Variants in UTP18 observed in about 807,000 individuals in gnomAD.
The protein encoded by UTP18 is UTP18 small subunit processome component.
A neutral mutation model predicts 61.1 loss-of-function variants in UTP18; 36 were observed. That is an observed-to-expected ratio of 0.59 (90% confidence interval 0.45 to 0.78). UTP18 has a LOEUF of 0.78. UTP18 is among the 30% of genes least tolerant of loss of function. UTP18 has a pLI of 0.00. For missense variants in UTP18, 753 were observed against 693.9 expected, an observed-to-expected ratio of 1.09 and a Z score of -0.96; for synonymous variants, 282 against 251.1, an observed-to-expected ratio of 1.12 and a Z score of -1.16.
chr17:51,277,210 T>G lies in UTP18; in HGVS notation c.918T>G (p.Asn306Lys), dbSNP rs1474939576. The change falls in exon 7 of 14, where the codon AAT (asparagine) becomes AAG (lysine). Residue 306 changes from asparagine to lysine, a missense_variant. Coordinates refer to ENST00000225298, the MANE Select transcript of UTP18 (RefSeq NM_016001.3). ...TCTTTAAGGCTTGTTTTAGTGCTAA[T>G]GGGGAAGAAGTTTTAGCCACGAGTA... ...FPIFKACFSA[N>K]GEEVLATSTH... The G allele has an allele frequency of 6.2e-7, 1 of 1,614,068 alleles. No individual in the cohort carries two copies. The highest frequency in any genetic ancestry group is 1.3e-5 in the African/African-American group (1 of 74,930).
At chr17:51,279,922 G>GC (rs1904856083) in intron 7 of UTP18, 83 bp from the exon 8 acceptor site, 1 of 1,158,124 alleles carries the variant, frequency 8.6e-7, no homozygotes, top group African/African-American at 1.6e-5. Flanking sequence ...ATTTTAAAAA[G>GC]TAAGAAACTC....
At position 51,288,000 on chromosome 17, in the gene UTP18, A is replaced by C. The variant is rs1270922526; in HGVS notation, c.1329-29A>C. Reference sequence around the variant, plus strand: ...GTGAAAGCCCTTTTACTTGGTTTTTAATCTATTTTAATCCTTTTCTCTTTG... The same window carrying C: ...GTGAAAGCCCTTTTACTTGGTTTTTCATCTATTTTAATCCTTTTCTCTTTG... On this transcript the variant is annotated intron_variant, in intron 10 of 13. Transcript: ENST00000225298. 9 of 1,493,680 alleles carry C rather than the reference A, an allele frequency of 6.0e-6. No individual in the cohort carries two copies. The African/African-American group carries it at 1.0e-4, about 17-fold the overall frequency. The allele number at this position is 1,493,680 out of a possible 1,614,324, so 92.5% of individuals were successfully genotyped here.
At chr17:51,293,844 A>G in intron 11 of UTP18, 59 bp from the exon 12 acceptor site, 1 of 1,374,670 alleles carries the variant, frequency 7.3e-7, no homozygotes, top group South Asian at 1.8e-5. Flanking sequence ...GAAGATTACA[A>G]TTTAAGAAAC....
At chr17:51,284,044 C>T (rs1905033813) in intron 9 of UTP18, among the ~76,000 whole-genome samples, 2 of 152,312 alleles carry the variant, frequency 1.3e-5, no homozygotes, top group Admixed American at 6.5e-5. Flanking sequence ...AAACACTTTC[C>T]TTTATTATAA....
intron 1 of UTP18, 59 bp from the exon 2 acceptor site, chr17:51,263,215 G>C: frequency 7.0e-7 from 1 of 1,421,470 alleles, no homozygotes; most frequent in Non-Finnish European, 9.9e-7. Context: ...TAAGGCCTAT[G>C]TGTCTGCAGT....
At chr17:51,290,267 T>C (rs1160691473) in intron 11 of UTP18, among the ~76,000 whole-genome samples, 3 of 152,088 alleles carry the variant, frequency 2.0e-5, no homozygotes, top group African/African-American at 7.2e-5. Flanking sequence ...ATTACAAATA[T>C]TAGCTGGGCA....
intron 12 of UTP18, among the ~76,000 whole-genome samples, chr17:51,295,748 TA>T (rs1905353433): frequency 6.6e-6 from 1 of 152,194 alleles, no homozygotes; most frequent in Admixed American, 6.5e-5. Context: ...AAGTCATTGG[TA>T]GCTTGATGGG....
intron 3 of UTP18, among the ~76,000 whole-genome samples, chr17:51,268,299 T>G (rs1017420978): frequency 1.3e-5 from 2 of 152,208 alleles, no homozygotes; most frequent in Admixed American, 1.3e-4. Flanking sequence ...GTGCTGGGAT[T>G]ACAGGCGTGA....
rs944681677 is a variant in UTP18, at chr17:51,281,167, T to A, written c.1204+688T>A. On this transcript the variant is annotated intron_variant, in intron 9 of 13. Coordinates refer to ENST00000225298, the MANE Select transcript of UTP18 (RefSeq NM_016001.3). ...ATATATATATATATATATATATATT[T>A]TTTTTAAACGAAAAGTTGTGTTTGG... Among the ~76,000 whole-genome samples, 400 of 148,610 alleles carry A rather than the reference T, an allele frequency of 2.7e-3. 4 individuals carry two copies. The highest frequency in any genetic ancestry group is 9.6e-3 in the African/African-American group (389 of 40,696).
At chr17:51,276,793 A>T (rs928180107) in intron 6 of UTP18, among the ~76,000 whole-genome samples, 2 of 152,216 alleles carry the variant, frequency 1.3e-5, no homozygotes, top group African/African-American at 4.8e-5. Context: ...ACTGACTCTT[A>T]TCTCCTTATC....
chr17:51,290,418 AAACAAC>A (rs576096725), intron 11 of UTP18, among the ~76,000 whole-genome samples: 1 of 152,060 alleles, frequency 6.6e-6, no homozygotes, highest in East Asian at 1.9e-4. Context: ...TCTGTCTCAA[AAACAAC>A]AACAACAACA....
Position 51,288,151 on chromosome 17 carries a change from C to T in UTP18, c.1451C>T (p.Thr484Ile). 6.2e-7 allele frequency: 1 copy of T among 1,602,284 alleles called. No homozygotes were observed. The highest frequency in any genetic ancestry group is 1.3e-5 in the African/African-American group (1 of 74,338). The change falls in exon 11 of 14, where the codon ACT (threonine) becomes ATT (isoleucine). Residue 484 changes from threonine to isoleucine, a missense_variant. By Grantham distance (89) the Thr-to-Ile change is moderately conservative. Transcript: ENST00000225298. ...GTTACTTCTCTGACCTTCAATCCTA[C>T]TACAGAAATCTTGGCAATTGCTTCA... ...TGVTSLTFNPTTEILAIASEK... is the reference protein window; with the variant it reads ...TGVTSLTFNPITEILAIASEK...
chr17:51,266,195 A>T lies in UTP18; in HGVS notation c.469A>T (p.Asn157Tyr). ...DEDEEMVDMM[N>Y]NRFRKDMMKN... ...CTGTTTTTGTAGGGTTGACATGATGAACAATCGGTTTCGGAAGGATATGAT... is the reference window on the plus strand; with the variant it reads ...CTGTTTTTGTAGGGTTGACATGATGTACAATCGGTTTCGGAAGGATATGAT... The change falls in exon 3 of 14, where the codon AAC becomes TAC. Residue 157 changes from asparagine (N) to tyrosine (Y), a missense_variant. Coordinates refer to ENST00000225298, the MANE Select transcript of UTP18 (RefSeq NM_016001.3). The T allele has an allele frequency of 6.3e-7, 1 of 1,594,998 alleles. No homozygotes were observed. Among genetic ancestry groups the T allele is most frequent in the South Asian group, 1.1e-5 (1 of 87,086 alleles).
chr17:51,285,827 C>T (rs1448263010), intron 10 of UTP18, among the ~76,000 whole-genome samples: 1 of 152,178 alleles, frequency 6.6e-6, no homozygotes, highest in Admixed American at 6.5e-5. Flanking sequence ...TTGAGGCATC[C>T]ACTGGGGGTC....
At chr17:51,278,292 C>G (rs1224084463) in intron 7 of UTP18, among the ~76,000 whole-genome samples, 1 of 152,156 alleles carries the variant, frequency 6.6e-6, no homozygotes, top group Non-Finnish European at 1.5e-5. Flanking sequence ...ATTTCTGATT[C>G]TCTCAGGTGA....
chr17:51,268,702 T>TA, intron 3 of UTP18, 135 bp from the exon 4 acceptor site: 1 of 697,952 alleles, frequency 1.4e-6, no homozygotes, highest in South Asian at 1.7e-5. Flanking sequence ...CTTCTGTTCT[T>TA]AAAGATAGTT....
At chr17:51,265,594 C>T (rs1342693702) in intron 2 of UTP18, among the ~76,000 whole-genome samples, 1 of 109,732 alleles carries the variant, frequency 9.1e-6, no homozygotes, top group Non-Finnish European at 1.7e-5. Context: ...GAGACAGTCT[C>T]ACTCTTTTGC....
In UTP18 at chr17:51,266,263, AAAG is replaced by A. The variant is rs2055559964; in HGVS notation, c.539_541del (p.Lys180del). On this transcript the variant is annotated inframe_deletion, in exon 3 of 14. Coordinates refer to ENST00000225298, the MANE Select transcript of UTP18 (RefSeq NM_016001.3). Reference sequence around the variant, plus strand: ...GTAAACTTTCGAAAGACAACCTTAAAAAGAGACTTAAAGAAGAGTAAGTGTCTT... The same window carrying A: ...GTAAACTTTCGAAAGACAACCTTAAAAGACTTAAAGAAGAGTAAGTGTCTT... 4 of 1,596,432 alleles carry A rather than the reference AAAG, an allele frequency of 2.5e-6. No individual in the cohort carries two copies.
intron 9 of UTP18, among the ~76,000 whole-genome samples, chr17:51,283,760 A>C (rs576355418): frequency 5.5e-3 from 843 of 151,976 alleles, no homozygotes; most frequent in Admixed American, 1.0e-2. Flanking sequence ...GATTACAGGC[A>C]TGTGCCACCA....
Sources: gnomAD v4.1 joint callset for allele counts (sites outside exome capture counted in the v4.1 genomes callset) on GRCh38, gnomAD v4.1.1 for gene constraint, MANE v1.5 for transcripts, NCBI Gene and HGNC (gene_info 2026-07-23, HGNC 2026-07-21) for gene names.